Variants in HOMER2 observed in about 807,000 individuals in gnomAD.
HOMER2 encodes the protein homer scaffold protein 2, also known as homer protein homolog 2.
A neutral mutation model predicts 47.0 loss-of-function variants in HOMER2; 27 were observed. The ratio of observed to expected loss-of-function variants is 0.57; its 90% CI spans 0.42 to 0.79. The LOEUF is 0.79. Among genes scored for constraint, HOMER2 ranks in the 30% least tolerant of loss-of-function variants. HOMER2 has a pLI of 0.00. For synonymous variants in HOMER2, 161 were observed against 163.8 expected, an observed-to-expected ratio of 0.98 and a Z score of 0.13; for missense variants, 443 against 435.0, an observed-to-expected ratio of 1.02 and a Z score of -0.16.
chr15:82,849,865 C>T lies in HOMER2; in HGVS notation c.882G>A (p.Val294=). The T allele has an allele frequency of 6.2e-7, 1 of 1,613,944 alleles. No individual in the cohort carries two copies. Among genetic ancestry groups the T allele is most frequent in the Non-Finnish European group, 8.5e-7 (1 of 1,179,852 alleles). ...CCTCAATGTCTGTCTTTAAGGAACG[C>T]ACTTTGTCTTCCAGGTTTTGATTGT... ...ERDNQNLEDK[V]RSLKTDIEES... The change falls in exon 9 of 9, where the codon GTG becomes GTA. Residue 294 remains valine (V), a synonymous_variant. Coordinates refer to ENST00000450735, the MANE Select transcript of HOMER2 (RefSeq NM_004839.4).
At position 82,875,398 on chromosome 15, in the gene HOMER2, T is replaced by C; in HGVS notation, c.169A>G (p.Ile57Val). ...IISVDGAKVI[I>V]NSTITPNMTF... Reference sequence around the variant, plus strand: ...ATATTCGGTGTGATTGTGCTGTTTATGATCACCTGCAGAAAAACAGCCCAA... The same window carrying C: ...ATATTCGGTGTGATTGTGCTGTTTACGATCACCTGCAGAAAAACAGCCCAA... The change falls in exon 3 of 9, where the codon ATA (isoleucine) becomes GTA (valine). Residue 57 changes from isoleucine (I) to valine (V), a missense_variant. By Grantham distance (29) the Ile-to-Val change is conservative. Transcript: ENST00000450735. The C allele has an allele frequency of 6.2e-7, 1 of 1,613,936 alleles. No homozygotes were observed. The highest frequency in any genetic ancestry group is 1.1e-5 in the South Asian group (1 of 91,048).
chr15:82,847,650 A>G (rs1389492129), downstream of HOMER2, among the ~76,000 whole-genome samples: 1 of 152,180 alleles, frequency 6.6e-6, no homozygotes, highest in Non-Finnish European at 1.5e-5. Flanking sequence ...ATGTCACCTG[A>G]GCATTCTCTT....
intron 1 of HOMER2, among the ~76,000 whole-genome samples, chr15:82,905,520 C>G (rs2053262444): frequency 6.6e-6 from 1 of 152,088 alleles, no homozygotes; most frequent in Non-Finnish European, 1.5e-5. Flanking sequence ...CTAGGCATAT[C>G]ACATTCAAAC....
At chr15:82,900,502 G>A (rs2053081147) in intron 1 of HOMER2, among the ~76,000 whole-genome samples, 2 of 152,106 alleles carry the variant, frequency 1.3e-5, no homozygotes, top group Non-Finnish European at 2.9e-5. Context: ...TGTGAGGACA[G>A]CCAAAATATT....
downstream of HOMER2, chr15:82,835,173 C>G (rs2051111435): frequency 6.6e-6 from 1 of 151,516 alleles, no homozygotes; most frequent in Non-Finnish European, 1.5e-5. Context: ...GTCAACCAGG[C>G]TGGAGTGCGG....
chr15:82,950,369 G>GT (rs377562070), intron 1 of HOMER2, among the ~76,000 whole-genome samples: 121 of 150,820 alleles, frequency 8.0e-4, no homozygotes, highest in South Asian at 2.7e-3. Flanking sequence ...CAGATAGTTT[G>GT]TTTTTTTTTC....
intron 1 of HOMER2, among the ~76,000 whole-genome samples, chr15:82,915,822 CA>C (rs2053576202): frequency 1.3e-5 from 2 of 152,112 alleles, no homozygotes; most frequent in Admixed American, 1.3e-4. Context: ...AAAACAAAAA[CA>C]AACAAACAAA....
chr15:82,931,996 TAACCATCACTAGGAA>T (rs2054023887), intron 1 of HOMER2, among the ~76,000 whole-genome samples: 2 of 152,174 alleles, frequency 1.3e-5, no homozygotes, highest in African/African-American at 4.8e-5. Flanking sequence ...ACAGGAGCCC[TAACCATCACTAGGAA>T]CACACTGGGT....
Position 82,864,223 on chromosome 15 carries a change from T to A in HOMER2, c.331A>T (p.Lys111Ter). ...EKFQEVKEAAKIAKDKTQEKI... is the reference protein window; with the variant it reads ...EKFQEVKEAA ...TCCTGCGTCTTGTCTTTGGCTATCT[T>A]GGCAGCTTCTTTCACCTCCTGGAAT... The change falls in exon 4 of 9, where the codon AAG (lysine) becomes TAG (stop). Residue 111 changes from lysine to a stop codon, truncating the protein, a stop_gained. Coordinates refer to ENST00000450735, the MANE Select transcript of HOMER2 (RefSeq NM_004839.4). LOFTEE classifies it high-confidence loss of function. 6.2e-7 allele frequency: 1 copy of A among 1,612,834 alleles called. No homozygotes were observed. The highest frequency in any genetic ancestry group is 8.5e-7 in the Non-Finnish European group (1 of 1,179,396).
downstream of HOMER2, among the ~76,000 whole-genome samples, chr15:82,847,753 G>C (rs1007379512): frequency 6.6e-6 from 1 of 152,198 alleles, no homozygotes; most frequent in South Asian, 2.1e-4. Context: ...GGAACCCAGT[G>C]TCCACTGCTC....
chr15:82,864,600 G>T (rs2051902805), intron 3 of HOMER2, among the ~76,000 whole-genome samples: 1 of 152,128 alleles, frequency 6.6e-6, no homozygotes, highest in Non-Finnish European at 1.5e-5. Flanking sequence ...ACCTCTTAGT[G>T]TCATTTTTTT....
chr15:82,930,538 C>T (rs1803428334), intron 1 of HOMER2, among the ~76,000 whole-genome samples: 1 of 152,210 alleles, frequency 6.6e-6, no homozygotes, highest in Non-Finnish European at 1.5e-5. Flanking sequence ...TGCACAGATT[C>T]TCCAGAAGTT....
rs529583671 is a variant in HOMER2, at chr15:82,868,740, G to A, written c.295-4481C>T. Among the ~76,000 whole-genome samples, 149 of 150,634 alleles carry A rather than the reference G, an allele frequency of 9.9e-4. 1 individual carries two copies. Among genetic ancestry groups the A allele is most frequent in the African/African-American group, 3.5e-3 (143 of 40,998 alleles). On this transcript the variant is annotated intron_variant, in intron 3 of 8. Transcript: ENST00000450735. ...CTAATTTTGTATTTTTAGTAGAGAC[G>A]GGGCTTCACCATGTTGGCCAGGCTA... is the stretch of plus-strand genomic sequence containing the variant.
upstream of HOMER2, among the ~76,000 whole-genome samples, chr15:82,952,900 C>A (rs2054541002): frequency 6.6e-6 from 1 of 152,024 alleles, no homozygotes; most frequent in Admixed American, 6.5e-5. Flanking sequence ...CGCCGCTTTT[C>A]TCCCGGGCCA....
intron 1 of HOMER2, among the ~76,000 whole-genome samples, chr15:82,930,354 C>T (rs1271756466): frequency 6.6e-6 from 1 of 152,228 alleles, no homozygotes; most frequent in Non-Finnish European, 1.5e-5. Flanking sequence ...ATGTAAGATA[C>T]CACAAGGACC....
At chr15:82,980,193 T>C (rs548647114) in intron 1 of HOMER2, among the ~76,000 whole-genome samples, 1 of 152,232 alleles carries the variant, frequency 6.6e-6, no homozygotes, top group African/African-American at 2.4e-5. Context: ...TATGATGTTT[T>C]GATGTCTTAA....
intron 1 of HOMER2, among the ~76,000 whole-genome samples, chr15:82,902,250 T>G (rs2053145574): frequency 6.7e-6 from 1 of 150,336 alleles, no homozygotes; most frequent in Admixed American, 6.7e-5. Context: ...CAGGCTGTAA[T>G]GCAGTGGTGC....
intron 1 of HOMER2, among the ~76,000 whole-genome samples, chr15:82,950,359 CAGAT>C (rs2054479601): frequency 6.6e-6 from 1 of 152,000 alleles, no homozygotes; most frequent in South Asian, 2.1e-4. Flanking sequence ...GAGGTAAACT[CAGAT>C]AGTTTGTTTT....
chr15:82,952,685 G>A lies in HOMER2; in HGVS notation c.-150C>T, dbSNP rs1820293919. On this transcript the variant is annotated 5_prime_UTR_variant, in exon 1 of 9. Transcript: ENST00000450735. ...CTCCATTCCGCGGGGCTGCGCGGCT[G>A]CCACTGCTGCCACTGCCGCCACCGC... The A allele has an allele frequency of 4.8e-5, 47 of 987,530 alleles. 1 individual carries two copies. In the South Asian group the frequency reaches 1.7e-3, roughly 35 times the overall value. The allele number at this position is 987,530 out of a possible 1,614,324, so 61.2% of individuals were successfully genotyped here.
Sources: allele counts gnomAD v4.1 joint callset (sites outside exome capture counted in the v4.1 genomes callset), GRCh38; gene constraint gnomAD v4.1.1; transcripts MANE v1.5; gene names NCBI Gene and HGNC (gene_info 2026-07-23, HGNC 2026-07-21).